Variants in CPEB3 observed in about 807,000 individuals in gnomAD.
CPEB3 encodes cytoplasmic polyadenylation element binding protein 3.
In CPEB3, 20 loss-of-function variants were observed where a neutral mutation model predicts 67.2. The observed-to-expected ratio is 0.30, with a 90% CI of 0.21 to 0.43. CPEB3 has a LOEUF of 0.43. CPEB3 is among the 20% of genes least tolerant of loss of function. The pLI, the probability that CPEB3 is intolerant of heterozygous loss-of-function variation, is 1.00. For missense variants in CPEB3, 746 were observed against 968.6 expected (o/e 0.77, Z 3.05); for synonymous variants, 376 against 393.1 (o/e 0.96, Z 0.51).
chr10:92,226,026 G>T (rs1333189485), intron 2 of CPEB3, among the ~76,000 whole-genome samples: 1 of 152,196 alleles, frequency 6.6e-6, no homozygotes, highest in African/African-American at 2.4e-5. Context: ...GAACCCAGGA[G>T]GCGGAGGTTG....
intron 1 of CPEB3, among the ~76,000 whole-genome samples, chr10:92,267,493 G>C (rs1444136138): frequency 6.6e-6 from 1 of 152,208 alleles, no homozygotes; most frequent in Non-Finnish European, 1.5e-5. Flanking sequence ...TTTAGACTAA[G>C]TTAAGAATTT....
chr10:92,272,444 C>T lies in CPEB3; in HGVS notation c.-12+18482G>A, dbSNP rs182674890. On this transcript the variant is annotated intron_variant, in intron 1 of 9. Coordinates refer to ENST00000265997, the MANE Select transcript of CPEB3 (RefSeq NM_014912.5). ...TTCATTGGTTCTAGGGTGTCACTGC[C>T]TAATGCCCTCTCATTAGATAGAGTT... Among the ~76,000 whole-genome samples, 368 of 152,216 alleles carry T rather than the reference C, an allele frequency of 2.4e-3. 2 individuals are homozygous for T. Among genetic ancestry groups the T allele is most frequent in the African/African-American group, 8.4e-3 (349 of 41,548 alleles).
rs80040542 is a variant in CPEB3 at position 92,052,579 on chromosome 10, T to C, written c.1870-140A>G. ...CAACTCTGCTGATACTGGATGGTGG[T>C]TGAGAGCATGGGCTTTGGAATAAGC... On this transcript the variant is annotated intron_variant, in intron 9 of 9. Coordinates refer to ENST00000265997, the MANE Select transcript of CPEB3 (RefSeq NM_014912.5). 1,261 of 666,464 alleles carry C rather than the reference T, an allele frequency of 1.9e-3. 11 individuals are homozygous for C. In the African/African-American group the frequency reaches 0.02, roughly 10 times the overall value. The allele number at this position is 666,464 out of a possible 1,614,324, so 41.3% of individuals were successfully genotyped here.
intron 9 of CPEB3, among the ~76,000 whole-genome samples, chr10:92,065,557 A>G (rs1435539877): frequency 6.6e-6 from 1 of 152,168 alleles, no homozygotes; most frequent in East Asian, 1.9e-4. Flanking sequence ...TTTCTGACCG[A>G]TAGAGGAAAA....
At chr10:92,066,696 T>A (rs926470257) in intron 9 of CPEB3, among the ~76,000 whole-genome samples, 2 of 152,108 alleles carry the variant, frequency 1.3e-5, no homozygotes, top group African/African-American at 4.8e-5. Context: ...AAATATGGTG[T>A]CTTTCTGGTC....
intron 1 of CPEB3, among the ~76,000 whole-genome samples, chr10:92,276,958 AT>A (rs1303373870): frequency 1.3e-5 from 2 of 152,188 alleles, no homozygotes; most frequent in African/African-American, 4.8e-5. Flanking sequence ...ATCTTTTCAC[AT>A]GCTTATTGGC....
chr10:92,113,541 A>G (rs953911847), intron 6 of CPEB3, among the ~76,000 whole-genome samples: 1 of 152,208 alleles, frequency 6.6e-6, no homozygotes, highest in Non-Finnish European at 1.5e-5. Context: ...CTGCAGTCAG[A>G]GTACTCCATC....
intron 1 of CPEB3, among the ~76,000 whole-genome samples, chr10:92,246,486 A>T (rs919232768): frequency 2.0e-5 from 3 of 152,102 alleles, no homozygotes; most frequent in South Asian, 2.1e-4. Flanking sequence ...TAGATTTTTT[A>T]AATTATTTGA....
intron 6 of CPEB3, among the ~76,000 whole-genome samples, chr10:92,135,714 A>G (rs968568576): frequency 1.1e-4 from 16 of 152,328 alleles, no homozygotes; most frequent in African/African-American, 3.8e-4. Context: ...ATGCATACGT[A>G]TGTTTATTGT....
intron 8 of CPEB3, among the ~76,000 whole-genome samples, chr10:92,082,939 T>C (rs774259266): frequency 1.3e-5 from 2 of 152,152 alleles, no homozygotes; most frequent in Non-Finnish European, 2.9e-5. Context: ...ACAACTCTTC[T>C]CTTCTAGGAG....
chr10:92,258,333 C>G (rs1361527563), intron 1 of CPEB3, among the ~76,000 whole-genome samples: 1 of 151,752 alleles, frequency 6.6e-6, no homozygotes, highest in Admixed American at 6.6e-5. Flanking sequence ...CTCCTGACCT[C>G]AGGTGATCCA....
At chr10:92,068,553 A>G (rs917504496) in intron 9 of CPEB3, among the ~76,000 whole-genome samples, 5 of 152,196 alleles carry the variant, frequency 3.3e-5, no homozygotes, top group South Asian at 2.1e-4. Context: ...TTCTACTGAG[A>G]TAAGTATTTA....
chr10:92,262,438 C>A (rs143113862), intron 1 of CPEB3, among the ~76,000 whole-genome samples: 1 of 152,136 alleles, frequency 6.6e-6, no homozygotes, highest in East Asian at 1.9e-4. Context: ...GAGTTAAGTA[C>A]CTTCATTATC....
At chr10:92,171,825 G>A (rs1234457617) in intron 4 of CPEB3, among the ~76,000 whole-genome samples, 1 of 152,160 alleles carries the variant, frequency 6.6e-6, no homozygotes, top group East Asian at 1.9e-4. Context: ...ATGGTGGCCA[G>A]GCTGGTCTTG....
At chr10:92,288,470 A>C (rs1014477427) in intron 1 of CPEB3, among the ~76,000 whole-genome samples, 9 of 152,032 alleles carry the variant, frequency 5.9e-5, no homozygotes, top group Non-Finnish European at 7.4e-5. Context: ...AAAAAAAAAA[A>C]AACCCAGAAT....
intron 6 of CPEB3, among the ~76,000 whole-genome samples, chr10:92,139,929 C>T (rs865871772): frequency 4.0e-5 from 6 of 151,784 alleles, no homozygotes; most frequent in East Asian, 3.9e-4. Flanking sequence ...AAAAATTAGC[C>T]GGGTATGGTG....
rs1260832402 is a variant in CPEB3 at position 92,049,590 on chromosome 10, T to C, written c.*2622A>G. ...CAGTCGCGCACAATCAACACTTGAT[T>C]AGAAATATACAAATTAAGGGAAAGT... On this transcript the variant is annotated 3_prime_UTR_variant, in exon 10 of 10. Transcript: ENST00000265997. 6.6e-6 allele frequency: 1 copy of C among 152,656 alleles called. No homozygotes were observed. 9.5% of individuals were successfully genotyped at this position (152,656 alleles called of 1,614,324 possible).
chr10:92,051,963 A>C lies in CPEB3; in HGVS notation c.*249T>G, dbSNP rs1247285670. ...TCAGGTATAAAAAATTAAGGTACCA[A>C]GCAGACAAAGGTGTGAATCAAAGTG... On this transcript the variant is annotated 3_prime_UTR_variant, in exon 10 of 10. Coordinates refer to ENST00000265997, the MANE Select transcript of CPEB3 (RefSeq NM_014912.5). The C allele has an allele frequency of 7.4e-6, 3 of 403,808 alleles. No individual in the cohort carries two copies. The highest frequency in any genetic ancestry group is 1.3e-5 in the Non-Finnish European group (3 of 225,286). 25.0% of individuals were successfully genotyped at this position (403,808 alleles called of 1,614,324 possible). A position where few individuals can be genotyped will look rare whatever the true frequency, so the allele number is the denominator to read the frequency against.
chr10:92,256,483 G>T (rs1373309837), intron 1 of CPEB3, among the ~76,000 whole-genome samples: 1 of 151,768 alleles, frequency 6.6e-6, no homozygotes, highest in African/African-American at 2.4e-5. Flanking sequence ...CCGCCTCCTG[G>T]GTTCAAGCAA....
Sources: gnomAD v4.1 joint callset for allele counts (sites outside exome capture counted in the v4.1 genomes callset) on GRCh38, gnomAD v4.1.1 for gene constraint, MANE v1.5 for transcripts, NCBI Gene and HGNC (gene_info 2026-07-23, HGNC 2026-07-21) for gene names.